Variants in NCOA2 observed in about 807,000 individuals in gnomAD.
The protein encoded by NCOA2 is nuclear receptor coactivator 2.
NCOA2 carries 21 observed loss-of-function variants against 145.1 expected under a neutral mutation model. The ratio of observed to expected loss-of-function variants is 0.14; its 90% CI spans 0.10 to 0.21. NCOA2 has a LOEUF of 0.21. Among genes scored for constraint, NCOA2 ranks in the 10% least tolerant of loss-of-function variants. NCOA2 has a pLI of 1.00. For synonymous variants in NCOA2, 619 were observed against 637.5 expected (o/e 0.97, Z 0.44); for missense variants, 1,472 against 1,837.6 (o/e 0.80, Z 3.64).
At chr8:70,328,631 A>G (rs981423766) in intron 1 of NCOA2, among the ~76,000 whole-genome samples, 1 of 152,154 alleles carries the variant, frequency 6.6e-6, no homozygotes, top group African/African-American at 2.4e-5. Context: ...GAGGAAAAAA[A>G]CTCAGCAAGG....
chr8:70,276,893 T>C (rs10504471), intron 2 of NCOA2, among the ~76,000 whole-genome samples: 14,540 of 152,242 alleles, frequency 0.096, 762 homozygotes, highest in Admixed American at 0.13. Context: ...TTTTCTGATA[T>C]TTTCATTCTT....
intron 1 of NCOA2, among the ~76,000 whole-genome samples, chr8:70,355,992 T>C (rs1809653095): frequency 6.6e-6 from 1 of 152,198 alleles, no homozygotes; most frequent in Non-Finnish European, 1.5e-5. Context: ...TTATCTCCAG[T>C]AGAAGTAGAG....
At chr8:70,295,902 A>C (rs1827050608) in intron 2 of NCOA2, among the ~76,000 whole-genome samples, 1 of 152,170 alleles carries the variant, frequency 6.6e-6, no homozygotes, top group Admixed American at 6.5e-5. Flanking sequence ...CCAAGATTGC[A>C]CCACTGCACT....
chr8:70,120,853 TAAG>T (rs764199080), intron 22 of NCOA2, among the ~76,000 whole-genome samples: 9 of 152,224 alleles, frequency 5.9e-5, no homozygotes, highest in Admixed American at 5.2e-4. Context: ...AGAAAACCCT[TAAG>T]AAGACTTAAT....
At chr8:70,176,690 C>T (rs967316801) in intron 4 of NCOA2, among the ~76,000 whole-genome samples, 2 of 152,138 alleles carry the variant, frequency 1.3e-5, no homozygotes, top group Non-Finnish European at 2.9e-5. Flanking sequence ...ATGTTGATTT[C>T]TCCTCAAGAT....
chr8:70,128,570 C>T (rs2131509175), intron 17 of NCOA2, 60 bp from the exon 18 acceptor site: 1 of 1,589,020 alleles, frequency 6.3e-7, no homozygotes, highest in East Asian at 2.2e-5. Flanking sequence ...TACTTTAAAT[C>T]AAGTTTCCCA....
chr8:70,377,528 T>G (rs1811790371), intron 1 of NCOA2, among the ~76,000 whole-genome samples: 1 of 152,154 alleles, frequency 6.6e-6, no homozygotes, highest in African/African-American at 2.4e-5. Context: ...GCAAAATAGG[T>G]TGAACAGCTT....
chr8:70,204,498 T>C (rs1414491761), intron 4 of NCOA2, among the ~76,000 whole-genome samples: 2 of 152,158 alleles, frequency 1.3e-5, no homozygotes, highest in African/African-American at 2.4e-5. Flanking sequence ...TGTCACAAGA[T>C]AGGTTGTAAT....
chr8:70,173,776 G>A (rs1015341764), intron 5 of NCOA2, among the ~76,000 whole-genome samples: 2 of 150,376 alleles, frequency 1.3e-5, no homozygotes, highest in South Asian at 2.1e-4. Context: ...CCCCCCCTCC[G>A]CCCTGCCCCC....
At chr8:70,141,672 C>T (rs12674920) in intron 13 of NCOA2, among the ~76,000 whole-genome samples, 12,289 of 152,130 alleles carry the variant, frequency 0.081, 837 homozygotes, top group East Asian at 0.36. Flanking sequence ...GGTGCCGTGG[C>T]GTGTGGATAA....
chr8:70,451,255 T>TATAA, the NCOA2 span, among the ~76,000 whole-genome samples: 1 of 123,064 alleles, frequency 8.1e-6, no homozygotes, highest in Non-Finnish European at 1.7e-5. Context: ...TATATATATA[T>TATAA]AAATTAGCCA....
At chr8:70,403,935 G>T, upstream of NCOA2, 2 of 375,188 alleles carry the variant, frequency 5.3e-6, no homozygotes, top group South Asian at 1.3e-4. Context: ...AGGGGAGGGG[G>T]CTCGGGAGCC....
chr8:70,145,910 C>G (rs1318511596), intron 12 of NCOA2, among the ~76,000 whole-genome samples: 1 of 152,224 alleles, frequency 6.6e-6, no homozygotes, highest in African/African-American at 2.4e-5. Context: ...GGATTACAGG[C>G]ATGAGCCACC....
Position 70,216,740 on chromosome 8 carries a change from A to G in NCOA2, c.6T>C (p.Ser2=), listed in dbSNP as rs1218892923. 6.2e-7 allele frequency: 1 copy of G among 1,611,158 alleles called. No individual in the cohort carries two copies. Among genetic ancestry groups the G allele is most frequent in the Non-Finnish European group, 8.5e-7 (1 of 1,177,542 alleles). The stretch of plus-strand genomic sequence containing the variant: ...GGTCAGAGGTATTTTCTCCCATCCC[A>G]CTCATCTTGAACACATATCAGCAAC... M[S]GMGENTSDPS... is the part of the protein sequence containing the mutation. Residue 2 remains serine (S), a synonymous_variant, in exon 3 of 23, where the codon AGT becomes AGC. Coordinates refer to ENST00000452400, the MANE Select transcript of NCOA2 (RefSeq NM_006540.4).
intron 1 of NCOA2, among the ~76,000 whole-genome samples, chr8:70,344,514 A>G (rs1017617907): frequency 2.0e-5 from 3 of 152,220 alleles, no homozygotes; most frequent in Admixed American, 6.5e-5. Flanking sequence ...GTCTCCATTA[A>G]TAACAAACTC....
intron 10 of NCOA2, among the ~76,000 whole-genome samples, chr8:70,159,236 A>ATG (rs1554578474): frequency 0.013 from 213 of 16,052 alleles, 14 homozygotes; most frequent in Middle Eastern, 0.05. Flanking sequence ...ATATATATAT[A>ATG]TATATATTTT....
intron 2 of NCOA2, among the ~76,000 whole-genome samples, chr8:70,238,539 A>G (rs572088585): frequency 1.3e-5 from 2 of 152,324 alleles, no homozygotes; most frequent in Admixed American, 6.5e-5. Context: ...CCCATTGTCT[A>G]AGAAATGCCA....
the NCOA2 span, among the ~76,000 whole-genome samples, chr8:70,439,377 A>T: frequency 2.0e-5 from 3 of 152,182 alleles, no homozygotes; most frequent in African/African-American, 7.2e-5. Flanking sequence ...AGTGAGAAGG[A>T]GGAACAGGGA....
intron 1 of NCOA2, among the ~76,000 whole-genome samples, chr8:70,338,606 G>GA (rs1563779841): frequency 6.6e-6 from 1 of 152,254 alleles, no homozygotes; most frequent in East Asian, 1.9e-4. Flanking sequence ...GCATCATCCT[G>GA]ATACCAAAAC....
Sources: gnomAD v4.1 joint callset for allele counts (sites outside exome capture counted in the v4.1 genomes callset) on GRCh38, gnomAD v4.1.1 for gene constraint, MANE v1.5 for transcripts, NCBI Gene and HGNC (gene_info 2026-07-23, HGNC 2026-07-21) for gene names.